RERG: variants seen among roughly 807,000 people sequenced by gnomAD.
The protein encoded by RERG is RAS like estrogen regulated growth inhibitor, also known as ras-related and estrogen-regulated growth inhibitor.
RERG carries 25 observed loss-of-function variants against 23.2 expected under a neutral mutation model. That is an observed-to-expected ratio of 1.08 (90% CI 0.79 to 1.50). RERG has a LOEUF of 1.50. Among genes scored for constraint, RERG ranks in the 40% most tolerant of loss-of-function variants. The pLI, the probability that RERG is intolerant of heterozygous loss-of-function variation, is 0.00. For synonymous variants in RERG, 81 were observed against 89.1 expected, an observed-to-expected ratio of 0.91 and a Z score of 0.51; for missense variants, 253 against 250.1, an observed-to-expected ratio of 1.01 and a Z score of -0.08.
In RERG at chr12:15,107,872, G is replaced by A. The variant is rs1863524773; in HGVS notation, c.*1238C>T. The A allele has an allele frequency of 6.6e-6, 1 of 152,552 alleles. No individual in the cohort carries two copies. The highest frequency in any genetic ancestry group is 6.5e-5 in the Admixed American group (1 of 15,274). The allele number at this position is 152,552 out of a possible 1,614,324, so 9.4% of individuals were successfully genotyped here. ...TGTCCAAATGCATTGGTGAATTAAT[G>A]CCGCTAACGCTTACAAATTTTTATA... On this transcript the variant is annotated 3_prime_UTR_variant, in exon 5 of 5. Transcript: ENST00000256953.
In RERG at chr12:15,109,365, C is replaced by G. The variant is rs1343257698; in HGVS notation, c.345G>C (p.Leu115Phe). ...IKKPKNVTLI[L>F]VGNKADLDHS... is the part of the protein sequence containing the mutation. ...GGTCCAAGTCAGCTTTGTTTCCAAC[C>G]AAGATGAGAGTCACATTCTTGGGCT... The change falls in exon 5 of 5, where the codon TTG becomes TTC. Residue 115 changes from leucine to phenylalanine, a missense_variant. By Grantham distance (22) the Leu-to-Phe change is conservative. Coordinates refer to ENST00000256953, the MANE Select transcript of RERG (RefSeq NM_032918.3). The G allele has an allele frequency of 1.2e-6, 2 of 1,614,076 alleles. No homozygotes were observed. Among genetic ancestry groups the G allele is most frequent in the Non-Finnish European group, 8.5e-7 (1 of 1,180,020 alleles).
At chr12:15,160,561 G>A (rs940585004) in intron 2 of RERG, among the ~76,000 whole-genome samples, 1 of 152,076 alleles carries the variant, frequency 6.6e-6, no homozygotes, top group Non-Finnish European at 1.5e-5. Context: ...AGAAATCACA[G>A]TAATATTTAA....
chr12:15,161,914 G>A (rs1372794515), intron 2 of RERG, among the ~76,000 whole-genome samples: 2 of 152,064 alleles, frequency 1.3e-5, no homozygotes, highest in Non-Finnish European at 2.9e-5. Context: ...TAAAAATTAA[G>A]TCTTATGAAG....
intron 2 of RERG, among the ~76,000 whole-genome samples, chr12:15,142,704 G>A (rs12582188): frequency 0.22 from 33,133 of 151,934 alleles, 3,719 homozygotes; most frequent in Admixed American, 0.29. Context: ...AGAAGAGAGA[G>A]GGGGGGTAGG....
chr12:15,153,071 A>G (rs1432125085), intron 2 of RERG, among the ~76,000 whole-genome samples: 1 of 152,156 alleles, frequency 6.6e-6, no homozygotes, highest in Non-Finnish European at 1.5e-5. Flanking sequence ...ACATATTTAC[A>G]CTTAGCAGAG....
intron 2 of RERG, among the ~76,000 whole-genome samples, chr12:15,192,183 A>T (rs1367125780): frequency 6.6e-6 from 1 of 152,104 alleles, no homozygotes; most frequent in Non-Finnish European, 1.5e-5. Context: ...ATGAAAGCTG[A>T]CTGTTTACAA....
chr12:15,169,961 T>TGC (rs1864754745), intron 2 of RERG, among the ~76,000 whole-genome samples: 1 of 150,312 alleles, frequency 6.7e-6, no homozygotes, highest in Admixed American at 6.6e-5. Flanking sequence ...TGTGTGTGTG[T>TGC]GTGTGTAACA....
At chr12:15,122,029 T>TAAA (rs3084667) in intron 2 of RERG, among the ~76,000 whole-genome samples, 4,429 of 149,014 alleles carry the variant, frequency 0.03, 90 homozygotes, top group Middle Eastern at 0.048. Flanking sequence ...GGTTTTAAAT[T>TAAA]AAAAAAAAAA....
intron 3 of RERG, among the ~76,000 whole-genome samples, chr12:15,120,227 T>A (rs1000575676): frequency 7.2e-5 from 11 of 152,320 alleles, no homozygotes; most frequent in African/African-American, 2.6e-4. Context: ...ATTCCCTTCC[T>A]TATTGTTTTC....
At chr12:15,137,861 CCTTT>C (rs548480710) in intron 2 of RERG, 183 of 445,410 alleles carry the variant, frequency 4.1e-4, no homozygotes, top group African/African-American at 3.4e-3. Flanking sequence ...TAATGCTCTT[CCTTT>C]CTTTAAGTAC....
At chr12:15,134,864 G>A (rs1443666187) in intron 2 of RERG, among the ~76,000 whole-genome samples, 1 of 152,116 alleles carries the variant, frequency 6.6e-6, no homozygotes, top group African/African-American at 2.4e-5. Flanking sequence ...GCCCACCTCA[G>A]CTGCCCAAAA....
chr12:15,217,664 G>A, intron 1 of RERG, 61 bp from the exon 2 acceptor site: 1 of 572,236 alleles, frequency 1.7e-6, no homozygotes. Context: ...TATTTATTGA[G>A]CATCTACTAT....
At chr12:15,164,774 G>C (rs1029623770) in intron 2 of RERG, among the ~76,000 whole-genome samples, 2 of 152,114 alleles carry the variant, frequency 1.3e-5, no homozygotes, top group South Asian at 2.1e-4. Flanking sequence ...ACCCACAAAA[G>C]GTGTTAACTA....
In RERG at chr12:15,142,620, G is replaced by C. The variant is rs546709082; in HGVS notation, c.62-21501C>G. Among the ~76,000 whole-genome samples the C allele has an allele frequency of 7.9e-5, 12 of 152,054 alleles. No individual in the cohort carries two copies. The East Asian group carries it at 1.9e-3, about 24-fold the overall frequency. ...TTGTTTGGTGGCGACTTATCAATTGGCCTCTTCTTTATTTTGCTTTTGATT... is the reference window on the plus strand; with the variant it reads ...TTGTTTGGTGGCGACTTATCAATTGCCCTCTTCTTTATTTTGCTTTTGATT... On this transcript the variant is annotated intron_variant, in intron 2 of 4. Transcript: ENST00000256953.
intron 2 of RERG, among the ~76,000 whole-genome samples, chr12:15,168,081 C>G (rs918950252): frequency 9.2e-5 from 14 of 152,114 alleles, no homozygotes; most frequent in African/African-American, 3.1e-4. Flanking sequence ...CTCAAATGTC[C>G]AAGGCTCTGC....
intron 2 of RERG, among the ~76,000 whole-genome samples, chr12:15,202,808 T>A (rs1391685034): frequency 6.6e-6 from 1 of 151,760 alleles, no homozygotes; most frequent in Non-Finnish European, 1.5e-5. Flanking sequence ...CTTTTGGGCA[T>A]ATATCCAGGA....
intron 2 of RERG, among the ~76,000 whole-genome samples, chr12:15,133,725 G>GTTT (rs549271423): frequency 3.2e-4 from 43 of 135,018 alleles, no homozygotes; most frequent in East Asian, 6.6e-4. Flanking sequence ...TGACTGAGAG[G>GTTT]TTTTTTTTTT....
chr12:15,214,059 C>T (rs1865409117), intron 2 of RERG, among the ~76,000 whole-genome samples: 1 of 146,270 alleles, frequency 6.8e-6, no homozygotes, highest in Non-Finnish European at 1.5e-5. Flanking sequence ...GAGTTTTTAC[C>T]TTATAAGCTG....
At chr12:15,131,625 G>C (rs1354283833) in intron 2 of RERG, among the ~76,000 whole-genome samples, 2 of 152,116 alleles carry the variant, frequency 1.3e-5, no homozygotes, top group Non-Finnish European at 2.9e-5. Context: ...AAGTGACTCA[G>C]AGTGACTAAG....
Sources: gnomAD v4.1 joint callset for allele counts (sites outside exome capture counted in the v4.1 genomes callset) on GRCh38, gnomAD v4.1.1 for gene constraint, MANE v1.5 for transcripts, NCBI Gene and HGNC (gene_info 2026-07-23, HGNC 2026-07-21) for gene names.